The following CFAP74 variants were observed in gnomAD, a reference collection of about 807,000 sequenced individuals.
The protein encoded by CFAP74 is cilia- and flagella-associated protein 74.
Under a neutral mutation model 188.9 loss-of-function variants are expected in CFAP74, and 124 were observed. That is an observed-to-expected ratio of 0.66 (90% CI 0.57 to 0.76). The LOEUF (loss-of-function observed/expected upper bound fraction) is 0.76. CFAP74 is among the 30% of genes least tolerant of loss of function. The pLI is 0.00. For synonymous variants in CFAP74, 956 were observed against 916.7 expected (o/e 1.04, Z -0.77); for missense variants, 2,198 against 2,165.2 (o/e 1.02, Z -0.30).
chr1:1,946,474 C>A, intron 19 of CFAP74, 35 bp from the exon 20 acceptor site: 1 of 1,501,446 alleles, frequency 6.7e-7, no homozygotes, highest in Non-Finnish European at 8.9e-7. Context: ...GTCTGCCAGG[C>A]TTCATGGCTT....
chr1:1,935,355 G>A (rs1426957019), intron 25 of CFAP74, among the ~76,000 whole-genome samples: 2 of 91,650 alleles, frequency 2.2e-5, no homozygotes, highest in African/African-American at 7.9e-5. Flanking sequence ...TTAGGTTGTA[G>A]GTACACACGT....
In CFAP74 at chr1:2,001,335, T is replaced by G. The variant is rs887957217; in HGVS notation, c.-20+2366A>C. Among the ~76,000 whole-genome samples, 15 of 140,984 alleles carry G rather than the reference T, an allele frequency of 1.1e-4. No individual in the cohort carries two copies. The East Asian group carries it at 3.0e-3, about 28-fold the overall frequency. 92.5% of individuals were successfully genotyped at this position (140,984 alleles called of 152,430 possible). A position where few individuals can be genotyped will look rare whatever the true frequency, so the allele number is the denominator to read the frequency against. Reference sequence around the variant, plus strand: ...TTGTTTTGTTTTGTTTTTCATTTTGTTTTTTTTTTTTTGAGACGGAGTCTC... The same window carrying G: ...TTGTTTTGTTTTGTTTTTCATTTTGGTTTTTTTTTTTTGAGACGGAGTCTC... On this transcript the variant is annotated intron_variant, in intron 1 of 38. Coordinates refer to ENST00000682832, the MANE Select transcript of CFAP74 (RefSeq NM_001304360.2).
At chr1:1,977,712 G>A (rs890780819) in intron 6 of CFAP74, among the ~76,000 whole-genome samples, 10 of 152,130 alleles carry the variant, frequency 6.6e-5, no homozygotes, top group Non-Finnish European at 1.2e-4. Context: ...CACTGCAGGC[G>A]GCTCCCATCA....
At chr1:1,925,624 C>T (rs1651823324) in intron 33 of CFAP74, among the ~76,000 whole-genome samples, 159 bp downstream of exon 33, 1 of 152,158 alleles carries the variant, frequency 6.6e-6, no homozygotes, top group South Asian at 2.1e-4. Context: ...GAGAGGGCGG[C>T]AGAGGCGGCA....
rs186096172 is a variant in CFAP74 at position 1,942,422 on chromosome 1, C to T, written c.2487-266G>A. 2.8e-3 allele frequency among the ~76,000 whole-genome samples: 429 copies of T among 152,260 alleles called. 4 individuals are homozygous for T. The highest frequency in any genetic ancestry group is 9.8e-3 in the African/African-American group (406 of 41,544). ...CGGAAGCACGGTCCTAATGGGCTCT[C>T]GGGAACCAGATGCTTTCCGGGAAGA... On this transcript the variant is annotated intron_variant, in intron 21 of 38. Coordinates refer to ENST00000682832, the MANE Select transcript of CFAP74 (RefSeq NM_001304360.2). The surrounding 1 kb of genome is among the most constrained non-coding windows in gnomAD (Gnocchi z 4.3).
chr1:1,959,354 C>G lies in CFAP74; in HGVS notation c.1762-145G>C, dbSNP rs1654901632. ...TCACTGCAACCCCCCTCCACCCACC[C>G]CCACCTGGGGTCCAAGCGATCCTCC... On this transcript the variant is annotated intron_variant, in intron 15 of 38. Coordinates refer to ENST00000682832, the MANE Select transcript of CFAP74 (RefSeq NM_001304360.2). 15 of 606,566 alleles carry G rather than the reference C, an allele frequency of 2.5e-5. No individual in the cohort carries two copies. The East Asian group carries it at 3.9e-4, about 16-fold the overall frequency. The allele number at this position is 606,566 out of a possible 1,614,324, so 37.6% of individuals were successfully genotyped here. A position where few individuals can be genotyped will look rare whatever the true frequency, so the allele number is the denominator to read the frequency against.
intron 33 of CFAP74, among the ~76,000 whole-genome samples, chr1:1,925,238 AGGCATGAG>A (rs1440710778): frequency 7.2e-6 from 1 of 139,128 alleles, no homozygotes. Context: ...GCTGGTGTGA[AGGCATGAG>A]GGCACACAGG....
At chr1:1,978,847 G>A (rs113965917) in intron 6 of CFAP74, among the ~76,000 whole-genome samples, 120 of 152,368 alleles carry the variant, frequency 7.9e-4, no homozygotes, top group African/African-American at 2.5e-3. Flanking sequence ...CAGCACCAGC[G>A]CCCTGCCGTG....
chr1:1,938,718 G>T, intron 25 of CFAP74, 137 bp downstream of exon 25: 1 of 1,017,292 alleles, frequency 9.8e-7, no homozygotes, highest in Non-Finnish European at 1.4e-6. Flanking sequence ...CTGCTGGCCG[G>T]CAGTGCTGCC....
At chr1:1,950,884 C>T (rs1464829122) in intron 18 of CFAP74, among the ~76,000 whole-genome samples, 1 of 152,120 alleles carries the variant, frequency 6.6e-6, no homozygotes, top group Non-Finnish European at 1.5e-5. Context: ...CTTTGCCTCA[C>T]CTAGGGCCAC....
chr1:1,945,319 T>C (rs1653677349), intron 20 of CFAP74, among the ~76,000 whole-genome samples: 1 of 151,914 alleles, frequency 6.6e-6, no homozygotes, highest in African/African-American at 2.4e-5. Flanking sequence ...TTAGAGAGTA[T>C]GAGTGAGGTT....
chr1:1,925,566 A>G (rs1394322967), intron 33 of CFAP74, among the ~76,000 whole-genome samples: 5 of 152,118 alleles, frequency 3.3e-5, no homozygotes, highest in Admixed American at 3.3e-4. Flanking sequence ...GGGGAGGACT[A>G]GGGGACATCT....
In CFAP74 at chr1:1,926,525, A is replaced by G; in HGVS notation, c.3773-13T>C. The G allele has an allele frequency of 6.5e-7, 1 of 1,549,952 alleles. No homozygotes were observed. Among genetic ancestry groups the G allele is most frequent in the Non-Finnish European group, 8.7e-7 (1 of 1,146,796 alleles). ...ATACTGCGGTGCCCTGAAATGGGGC[A>G]GGGAGCGTCAGGCCCCAGCCCCAGG... On this transcript the variant is annotated splice_polypyrimidine_tract_variant and intron_variant, in intron 30 of 38. Transcript: ENST00000682832.
At chr1:1,926,557 G>T (rs1354162329) in intron 30 of CFAP74, 45 bp from the exon 31 acceptor site, 2 of 1,548,776 alleles carry the variant, frequency 1.3e-6, no homozygotes, top group African/African-American at 2.7e-5. Context: ...CAGGCCCCAG[G>T]GAGCGTCTCT....
chr1:1,959,726 C>A (rs367753675), intron 15 of CFAP74, among the ~76,000 whole-genome samples: 1 of 152,224 alleles, frequency 6.6e-6, no homozygotes, highest in African/African-American at 2.4e-5. Context: ...CCGACTTAGA[C>A]CCGAGAGTGC....
intron 25 of CFAP74, among the ~76,000 whole-genome samples, chr1:1,931,305 C>G (rs112724879): frequency 4.6e-5 from 7 of 151,202 alleles, no homozygotes; most frequent in African/African-American, 1.7e-4. Context: ...TGGTGGGCAC[C>G]TGTAGTCCCA....
At chr1:1,966,682 AC>A (rs1655499758) in intron 11 of CFAP74, among the ~76,000 whole-genome samples, 156 bp from the exon 12 acceptor site, 1 of 152,190 alleles carries the variant, frequency 6.6e-6, no homozygotes, top group Non-Finnish European at 1.5e-5. Context: ...CGGTTTTGTA[AC>A]TTTTTCTACT....
chr1:1,967,510 C>T (rs1056447462), intron 11 of CFAP74, among the ~76,000 whole-genome samples: 5 of 152,022 alleles, frequency 3.3e-5, no homozygotes, highest in African/African-American at 9.7e-5. Flanking sequence ...GAGGGATCGG[C>T]GGGTGCAAAG....
chr1:1,989,012 AG>A, intron 2 of CFAP74, 39 bp from the exon 3 acceptor site: 9 of 1,044,480 alleles, frequency 8.6e-6, no homozygotes, highest in African/African-American at 1.6e-5. Flanking sequence ...AAAAAAAAGC[AG>A]ATCAAACATT....
Sources: allele counts gnomAD v4.1 joint callset (sites outside exome capture counted in the v4.1 genomes callset), GRCh38; gene constraint gnomAD v4.1.1; non-coding constraint Gnocchi (gnomAD v3.1); transcripts MANE v1.5; gene names NCBI Gene and HGNC (gene_info 2026-07-23, HGNC 2026-07-21).